Variants in SRRM1 observed in about 807,000 individuals in gnomAD.
The protein encoded by SRRM1 is serine/arginine repetitive matrix protein 1.
A neutral mutation model predicts 110.2 loss-of-function variants in SRRM1; 19 were observed. That is an observed-to-expected ratio of 0.17 (90% CI 0.12 to 0.25). SRRM1 has a LOEUF of 0.25. SRRM1 is among the 10% of genes least tolerant of loss of function. The probability of loss-of-function intolerance (pLI) is 1.00; values close to 1 mark genes in which losing one functional copy is unlikely to be tolerated. For synonymous variants in SRRM1, 443 were observed against 414.9 expected, an observed-to-expected ratio of 1.07 and a Z score of -0.82; for missense variants, 918 against 1,145.8, an observed-to-expected ratio of 0.80 and a Z score of 2.87.
rs1663182621 is a variant in SRRM1, at chr1:24,655,005, A to G, written c.1191A>G (p.Arg397=). 2 of 1,614,210 alleles carry G rather than the reference A, an allele frequency of 1.2e-6. No individual in the cohort carries two copies. Among genetic ancestry groups the G allele is most frequent in the Non-Finnish European group, 1.7e-6 (2 of 1,180,036 alleles). ...CTCCTTCAGCAAGTCCTCCAAGGCGAAGGCACAGGCCATCACCTCCTGCAA... is the reference window on the plus strand; with the variant it reads ...CTCCTTCAGCAAGTCCTCCAAGGCGGAGGCACAGGCCATCACCTCCTGCAA... ...RLSPSASPPR[R]RHRPSPPATP... is the part of the protein sequence containing the mutation. Residue 397 remains arginine (R), a synonymous_variant, in exon 9 of 17, where the codon CGA becomes CGG. Coordinates refer to ENST00000323848, the MANE Select transcript of SRRM1 (RefSeq NM_005839.4).
chr1:24,654,284 A>C (rs1257324037), intron 8 of SRRM1: 1 of 1,289,364 alleles, frequency 7.8e-7, no homozygotes, highest in Non-Finnish European at 1.0e-6. Context: ...CTCACACTTA[A>C]GGTAGGGTTT....
chr1:24,644,363 G>A (rs1655990052), intron 1 of SRRM1, among the ~76,000 whole-genome samples: 1 of 152,188 alleles, frequency 6.6e-6, no homozygotes, highest in Admixed American at 6.5e-5. Flanking sequence ...AATGCAGAAT[G>A]AAGTCGTATA....
At position 24,669,463 on chromosome 1, in the gene SRRM1, T is replaced by A. The variant is rs748318940; in HGVS notation, c.2080T>A (p.Ser694Thr). ...ACCACGGCCTCGAGCTCCTCAGACCTCCTCAAGTCCTCCACCCGTTCGAAG... is the reference window on the plus strand; with the variant it reads ...ACCACGGCCTCGAGCTCCTCAGACCACCTCAAGTCCTCCACCCGTTCGAAG... ...PSPRPRAPQT[S>T]SSPPPVRRGA... Residue 694 changes from serine to threonine, a missense_variant, in exon 14 of 17, where the codon TCC (serine) becomes ACC (threonine). Ser to Thr is a moderately conservative substitution (Grantham distance 58). This residue lies in a region of SRRM1 where 357 missense variants were observed against 402.9 expected (regional missense o/e 0.89). Coordinates refer to ENST00000323848, the MANE Select transcript of SRRM1 (RefSeq NM_005839.4). 9.3e-6 allele frequency: 15 copies of A among 1,613,774 alleles called. No homozygotes were observed. Among genetic ancestry groups the A allele is most frequent in the Non-Finnish European group, 1.3e-5 (15 of 1,179,924 alleles).
Position 24,643,310 on chromosome 1 carries a change from C to T in SRRM1, c.-17C>T. 3 of 1,564,642 alleles carry T rather than the reference C, an allele frequency of 1.9e-6. No individual in the cohort carries two copies. Among genetic ancestry groups the T allele is most frequent in the Admixed American group, 1.9e-5 (1 of 51,852 alleles). On this transcript the variant is annotated 5_prime_UTR_variant, in exon 1 of 17. Transcript: ENST00000323848. ...TGTACCCTGGGATAGGGAGCGATCTCCGAGCGAGGCGGCAAGATGGACGCG... is the reference window on the plus strand; with the variant it reads ...TGTACCCTGGGATAGGGAGCGATCTTCGAGCGAGGCGGCAAGATGGACGCG...
intron 9 of SRRM1, among the ~76,000 whole-genome samples, chr1:24,658,270 G>A (rs1665323761): frequency 1.3e-5 from 2 of 149,194 alleles, no homozygotes; most frequent in Admixed American, 6.7e-5. Context: ...GAGTGCAATG[G>A]TGCAGTCTTG....
At chr1:24,643,603 G>C (rs1209468888) in intron 1 of SRRM1, 1 of 412,102 alleles carries the variant, frequency 2.4e-6, no homozygotes, top group Non-Finnish European at 4.3e-6. Flanking sequence ...GGAATGGGCC[G>C]GGATGGTACC....
At chr1:24,668,141 T>C (rs1290696535) in intron 13 of SRRM1, among the ~76,000 whole-genome samples, 3 of 151,342 alleles carry the variant, frequency 2.0e-5, no homozygotes, top group South Asian at 2.1e-4. Context: ...CCAGCCAGTT[T>C]TTGTATTTTT....
chr1:24,660,668 T>A (rs901461189), intron 9 of SRRM1, 51 bp from the exon 10 acceptor site: 1 of 957,498 alleles, frequency 1.0e-6, no homozygotes, highest in African/African-American at 1.7e-5. Flanking sequence ...AAGCATCTTG[T>A]ATAGACCTTT....
intron 9 of SRRM1, among the ~76,000 whole-genome samples, chr1:24,660,423 C>T (rs1666557247): frequency 6.6e-6 from 1 of 152,166 alleles, no homozygotes; most frequent in Non-Finnish European, 1.5e-5. Flanking sequence ...ACAACAAGGT[C>T]TTACAGGAAT....
Position 24,661,291 on chromosome 1 carries a change from A to G in SRRM1, c.1397-19A>G. The G allele has an allele frequency of 6.3e-7, 1 of 1,597,094 alleles. No individual in the cohort carries two copies. On this transcript the variant is annotated intron_variant, in intron 10 of 16. Transcript: ENST00000323848. ...ATGCTTAACTAAAGAAACACTTTCTAAATGCATCCATCTTTCAGAAGAAGA... is the reference window on the plus strand; with the variant it reads ...ATGCTTAACTAAAGAAACACTTTCTGAATGCATCCATCTTTCAGAAGAAGA...
intron 12 of SRRM1, among the ~76,000 whole-genome samples, chr1:24,663,412 C>T (rs922357743): frequency 3.3e-5 from 5 of 152,144 alleles, no homozygotes; most frequent in African/African-American, 1.2e-4. Flanking sequence ...GAGAATTATA[C>T]ATGAGCTATT....
At chr1:24,649,063 G>C (rs1659044742) in intron 4 of SRRM1, 34 bp downstream of exon 4, 3 of 1,595,394 alleles carry the variant, frequency 1.9e-6, no homozygotes, top group Non-Finnish European at 2.6e-6. Flanking sequence ...ATGTCGATTT[G>C]AGAGTATTGG....
intron 1 of SRRM1, among the ~76,000 whole-genome samples, chr1:24,644,544 C>T (rs756586763): frequency 3.3e-5 from 5 of 152,112 alleles, no homozygotes; most frequent in African/African-American, 4.8e-5. Context: ...CATTGAAATC[C>T]TTCTTTAATT....
At chr1:24,649,933 G>A (rs1570717379) in intron 4 of SRRM1, 38 bp from the exon 5 acceptor site, 1 of 1,505,500 alleles carries the variant, frequency 6.6e-7, no homozygotes, top group Non-Finnish European at 8.8e-7. Flanking sequence ...GTTCTCAAAT[G>A]TTCAACTATG....
In SRRM1 at chr1:24,649,956, A is replaced by C. The variant is rs1428931208; in HGVS notation, c.406-15A>C. ...ATGTTCAACTATGTGTATTTTGAAA[A>C]CCTGGTCTTTGCAGATTGAACAAGA... is the stretch of plus-strand genomic sequence containing the variant. On this transcript the variant is annotated splice_polypyrimidine_tract_variant and intron_variant, in intron 4 of 16. Transcript: ENST00000323848. 2 of 1,553,486 alleles carry C rather than the reference A, an allele frequency of 1.3e-6. No individual in the cohort carries two copies. Among genetic ancestry groups the C allele is most frequent in the Non-Finnish European group, 1.7e-6 (2 of 1,154,256 alleles).
intron 11 of SRRM1, among the ~76,000 whole-genome samples, 187 bp downstream of exon 11, chr1:24,661,583 A>T (rs919888597): frequency 6.6e-6 from 1 of 152,206 alleles, no homozygotes; most frequent in Non-Finnish European, 1.5e-5. Flanking sequence ...TTACATTGTT[A>T]TAAAAGTAAT....
chr1:24,656,381 T>C (rs907336308), intron 9 of SRRM1, among the ~76,000 whole-genome samples: 2 of 152,154 alleles, frequency 1.3e-5, no homozygotes, highest in Admixed American at 1.3e-4. Context: ...TAGTGATAGG[T>C]TCATTAAATA....
intron 1 of SRRM1, among the ~76,000 whole-genome samples, chr1:24,644,325 A>G (rs1655967975): frequency 6.6e-6 from 1 of 152,182 alleles, no homozygotes; most frequent in Non-Finnish European, 1.5e-5. Flanking sequence ...GTTGAGCACC[A>G]TTGGTCTCTC....
At chr1:24,663,509 C>T (rs749828828) in intron 12 of SRRM1, among the ~76,000 whole-genome samples, 7 of 152,098 alleles carry the variant, frequency 4.6e-5, no homozygotes, top group Non-Finnish European at 8.8e-5. Flanking sequence ...TCAAGCAGCA[C>T]GCAGATTTTT....
Sources: gnomAD v4.1 joint callset for allele counts (sites outside exome capture counted in the v4.1 genomes callset) on GRCh38, gnomAD v4.1.1 for gene constraint, gnomAD v4.1.1 regional missense constraint, MANE v1.5 for transcripts, NCBI Gene and HGNC (gene_info 2026-07-23, HGNC 2026-07-21) for gene names.